RABGAP1L: variants seen among roughly 807,000 people sequenced by gnomAD.
RABGAP1L encodes RAB GTPase activating protein 1 like, also known as rab GTPase-activating protein 1-like.
A neutral mutation model predicts 137.7 loss-of-function variants in RABGAP1L; 63 were observed. That is an observed-to-expected ratio of 0.46 (90% CI 0.37 to 0.56). RABGAP1L has a LOEUF of 0.56. Ranked by LOEUF, RABGAP1L falls within the 20% of genes least tolerant of loss-of-function variation. RABGAP1L has a pLI of 0.00. For missense variants in RABGAP1L, 1,095 were observed against 1,244.0 expected (o/e 0.88, Z 1.80); for synonymous variants, 431 against 433.7 (o/e 0.99, Z 0.08).
At chr1:174,440,131 G>A (rs745963376) in intron 13 of RABGAP1L, among the ~76,000 whole-genome samples, 2 of 152,108 alleles carry the variant, frequency 1.3e-5, no homozygotes. Context: ...GGTGGGTGAG[G>A]GATATGAGTT....
chr1:174,706,647 A>C (rs1442844341), intron 17 of RABGAP1L, among the ~76,000 whole-genome samples: 2 of 152,196 alleles, frequency 1.3e-5, no homozygotes, highest in Non-Finnish European at 2.9e-5. Flanking sequence ...AAAAATGGAC[A>C]TAACGAAGTA....
At chr1:174,514,840 T>C (rs1662672634) in intron 13 of RABGAP1L, among the ~76,000 whole-genome samples, 1 of 152,238 alleles carries the variant, frequency 6.6e-6, no homozygotes, top group African/African-American at 2.4e-5. Flanking sequence ...GCAGTACTTC[T>C]CAATCATTTT....
chr1:174,927,089 G>T (rs72717661), intron 19 of RABGAP1L, among the ~76,000 whole-genome samples: 28,176 of 151,364 alleles, frequency 0.19, 3,220 homozygotes, highest in Admixed American at 0.24. Flanking sequence ...AAAAAAAAGT[G>T]GGGGGGCCAT....
chr1:174,913,638 A>G lies in RABGAP1L; in HGVS notation c.2341-43819A>G, dbSNP rs529514943. ...CTCTTCTCCTGGTTGGTTGCCTGCC[A>G]TGGTCGTATTTTAAATTGAGTAGCA... On this transcript the variant is annotated intron_variant, in intron 19 of 25. Transcript: ENST00000681986. Among the ~76,000 whole-genome samples, 4 of 152,302 alleles carry G rather than the reference A, an allele frequency of 2.6e-5. 1 individual carries two copies. The highest frequency in any genetic ancestry group is 7.2e-5 in the African/African-American group (3 of 41,566).
chr1:174,792,493 T>C (rs1482644381), intron 18 of RABGAP1L, among the ~76,000 whole-genome samples: 1 of 152,146 alleles, frequency 6.6e-6, no homozygotes, highest in Non-Finnish European at 1.5e-5. Flanking sequence ...TGCTGTAAAA[T>C]ATTTAATTGA....
At position 174,281,347 on chromosome 1, in the gene RABGAP1L, T is replaced by C. The variant is rs369025405; in HGVS notation, c.1323+2568T>C. ...TTACAGAGTGCTGATTGGCCTGTTTTTACAGAGTGCTGTTTGGTGTGTTTA... is the reference window on the plus strand; with the variant it reads ...TTACAGAGTGCTGATTGGCCTGTTTCTACAGAGTGCTGTTTGGTGTGTTTA... On this transcript the variant is annotated intron_variant, in intron 10 of 25. Transcript: ENST00000681986. 9.8e-5 allele frequency among the ~76,000 whole-genome samples: 15 copies of C among 152,294 alleles called. No individual in the cohort carries two copies. In the East Asian group the frequency reaches 1.9e-3, roughly 20 times the overall value.
intron 13 of RABGAP1L, among the ~76,000 whole-genome samples, chr1:174,577,356 A>G (rs1189471667): frequency 1.3e-5 from 2 of 151,696 alleles, no homozygotes; most frequent in Non-Finnish European, 2.9e-5. Context: ...ATATGTACAT[A>G]TAGTCAATGG....
At chr1:174,931,617 A>T (rs775006695) in intron 19 of RABGAP1L, among the ~76,000 whole-genome samples, 1 of 152,190 alleles carries the variant, frequency 6.6e-6, no homozygotes, top group Non-Finnish European at 1.5e-5. Flanking sequence ...GGTATTAAAA[A>T]TTTTAATTAA....
chr1:174,811,732 C>A, intron 18 of RABGAP1L, 100 bp from the exon 19 acceptor site: 1 of 1,198,658 alleles, frequency 8.3e-7, no homozygotes, highest in Non-Finnish European at 1.1e-6. Context: ...TAGATCTTAG[C>A]TATAAAAGTA....
intron 13 of RABGAP1L, among the ~76,000 whole-genome samples, chr1:174,443,467 G>T (rs1229039293): frequency 6.6e-6 from 1 of 152,008 alleles, no homozygotes; most frequent in Non-Finnish European, 1.5e-5. Context: ...ATTTGCATTT[G>T]CCAGAGGCAA....
At chr1:174,386,267 T>C (rs913293137) in intron 12 of RABGAP1L, among the ~76,000 whole-genome samples, 5 of 152,180 alleles carry the variant, frequency 3.3e-5, no homozygotes, top group African/African-American at 1.2e-4. Flanking sequence ...CTGAGGTAGG[T>C]ATTATTATAT....
At chr1:174,288,681 G>T (rs1444769119) in intron 10 of RABGAP1L, among the ~76,000 whole-genome samples, 1 of 152,072 alleles carries the variant, frequency 6.6e-6, no homozygotes, top group Non-Finnish European at 1.5e-5. Context: ...CTATGTCCTG[G>T]TGTAGACTTT....
At chr1:174,946,938 ATATGTGTGTGTGTGTGTG>A (rs1666932748) in intron 19 of RABGAP1L, among the ~76,000 whole-genome samples, 1 of 65,396 alleles carries the variant, frequency 1.5e-5, no homozygotes, top group African/African-American at 7.6e-5. Context: ...ATATATATAT[ATATGTGTGTGTGTGTGTG>A]TGTGTGTGTG....
intron 1 of RABGAP1L, among the ~76,000 whole-genome samples, chr1:174,213,608 C>T (rs1669067765): frequency 6.6e-6 from 1 of 152,130 alleles, no homozygotes. Flanking sequence ...CACAGGAACA[C>T]ATTAGAAAGA....
At chr1:174,712,125 A>G (rs1381531175) in intron 17 of RABGAP1L, among the ~76,000 whole-genome samples, 2 of 152,180 alleles carry the variant, frequency 1.3e-5, no homozygotes, top group Non-Finnish European at 2.9e-5. Context: ...TCTCTGTAAA[A>G]TGGACCAATC....
chr1:174,428,448 C>T (rs979745217), intron 13 of RABGAP1L, among the ~76,000 whole-genome samples: 1 of 152,148 alleles, frequency 6.6e-6, no homozygotes, highest in Non-Finnish European at 1.5e-5. Flanking sequence ...ACTTTATTCT[C>T]TCTAACCCTT....
intron 19 of RABGAP1L, among the ~76,000 whole-genome samples, chr1:174,914,731 A>C (rs1256547260): frequency 6.6e-6 from 1 of 152,054 alleles, no homozygotes; most frequent in Non-Finnish European, 1.5e-5. Context: ...AATTTAGCAG[A>C]GAGTTCACAG....
intron 19 of RABGAP1L, among the ~76,000 whole-genome samples, chr1:174,930,694 C>T (rs1663647041): frequency 6.6e-6 from 1 of 152,170 alleles, no homozygotes. Context: ...TAGTCATCAC[C>T]CAGCTTCAGT....
intron 19 of RABGAP1L, among the ~76,000 whole-genome samples, chr1:174,869,683 CA>C (rs1651871221): frequency 6.6e-6 from 1 of 152,100 alleles, no homozygotes; most frequent in Non-Finnish European, 1.5e-5. Flanking sequence ...TGTGTCCCCC[CA>C]AAATTCACAT....
Sources: gnomAD v4.1 joint callset for allele counts (sites outside exome capture counted in the v4.1 genomes callset) on GRCh38, gnomAD v4.1.1 for gene constraint, MANE v1.5 for transcripts, NCBI Gene and HGNC (gene_info 2026-07-23, HGNC 2026-07-21) for gene names.